The following SLC12A5 variants were observed in gnomAD, a reference collection of about 807,000 sequenced individuals.
The protein encoded by SLC12A5 is K-Cl cotransporter 2.
A neutral mutation model predicts 124.0 loss-of-function variants in SLC12A5; 18 were observed. The observed-to-expected ratio is 0.15, with a 90% CI of 0.10 to 0.22. The LOEUF (loss-of-function observed/expected upper bound fraction) is 0.22. SLC12A5 is among the 10% of genes least tolerant of loss of function. The pLI is 1.00. For synonymous variants in SLC12A5, 589 were observed against 568.0 expected (o/e 1.04, Z -0.53); for missense variants, 867 against 1,478.7 (o/e 0.59, Z 6.78).
At chr20:46,029,206 C>G (rs567400821), upstream of SLC12A5, 9 of 1,433,034 alleles carry the variant, frequency 6.3e-6, no homozygotes, top group Non-Finnish European at 8.2e-6. Context: ...GTGCGCCGGG[C>G]GGGCGGGCAC....
chr20:46,046,615 C>G (rs2145495669), intron 14 of SLC12A5, among the ~76,000 whole-genome samples, 179 bp downstream of exon 14: 1 of 152,330 alleles, frequency 6.6e-6, no homozygotes, highest in South Asian at 2.1e-4. Flanking sequence ...GGTCTCCTAA[C>G]AATCATAAAT....
At chr20:46,048,170 G>A (rs2084614956) in intron 16 of SLC12A5, 85 bp downstream of exon 16, 1 of 1,226,552 alleles carries the variant, frequency 8.2e-7, no homozygotes, top group South Asian at 1.5e-5. Context: ...AGCAGGGCCT[G>A]ACTTATCCTG....
chr20:46,050,389 T>G (rs547837034), intron 17 of SLC12A5, among the ~76,000 whole-genome samples: 13 of 152,248 alleles, frequency 8.5e-5, no homozygotes, highest in Non-Finnish European at 1.3e-4. Context: ...AGAACCAATG[T>G]GGGCTGTGGT....
intron 6 of SLC12A5, among the ~76,000 whole-genome samples, chr20:46,039,780 A>C (rs1443571153): frequency 1.3e-5 from 2 of 151,940 alleles, no homozygotes; most frequent in African/African-American, 4.8e-5. Context: ...TATTTCAAAA[A>C]AAAAACAAAA....
At chr20:46,052,012 G>C in intron 18 of SLC12A5, 142 bp downstream of exon 18, 1 of 734,794 alleles carries the variant, frequency 1.4e-6, no homozygotes, top group Non-Finnish European at 2.1e-6. Flanking sequence ...GCAGGTGACA[G>C]CAGTCAAGGC....
rs2084718330 is a variant in SLC12A5 at position 46,058,518 on chromosome 20, G to A, written c.*913G>A. On this transcript the variant is annotated 3_prime_UTR_variant, in exon 26 of 26. Transcript: ENST00000243964. The surrounding 1 kb of genome is among the most constrained non-coding windows in gnomAD (Gnocchi z 5.8). ...CCTCTTCTCATCGGCTCTTATGCAAGTTGGGGCCAGGATAGGGGAGGGGTG... is the reference window on the plus strand; with the variant it reads ...CCTCTTCTCATCGGCTCTTATGCAAATTGGGGCCAGGATAGGGGAGGGGTG... 2 of 399,016 alleles carry A rather than the reference G, an allele frequency of 5.0e-6. No individual in the cohort carries two copies. The highest frequency in any genetic ancestry group is 2.1e-5 in the African/African-American group (1 of 48,632). The allele number at this position is 399,016 out of a possible 1,614,324, so 24.7% of individuals were successfully genotyped here.
At chr20:46,044,850 T>A (rs1264180547) in intron 11 of SLC12A5, 116 bp from the exon 12 acceptor site, 6 of 1,151,974 alleles carry the variant, frequency 5.2e-6, no homozygotes, top group South Asian at 1.4e-5. Flanking sequence ...CCTGTCACCC[T>A]TACAGAACTT....
At chr20:46,024,375 C>T (rs1167404394), upstream of SLC12A5, among the ~76,000 whole-genome samples, 1 of 152,150 alleles carries the variant, frequency 6.6e-6, no homozygotes, top group Non-Finnish European at 1.5e-5. Context: ...GACTTTTAAC[C>T]TTTTAAGCCT....
At chr20:46,041,129 T>G in intron 7 of SLC12A5, 200 bp from the exon 8 acceptor site, 1 of 543,294 alleles carries the variant, frequency 1.8e-6, no homozygotes, top group Non-Finnish European at 3.3e-6. Flanking sequence ...CTTCTCCACC[T>G]TGGCTGCTTA....
At chr20:46,026,149 G>A (rs1448937875), upstream of SLC12A5, among the ~76,000 whole-genome samples, 1 of 152,202 alleles carries the variant, frequency 6.6e-6, no homozygotes, top group Non-Finnish European at 1.5e-5. Context: ...GTGGAGAGTG[G>A]AAAATAATTT....
chr20:46,052,876 G>A, intron 18 of SLC12A5, 81 bp from the exon 19 acceptor site: 1 of 1,454,570 alleles, frequency 6.9e-7, no homozygotes, highest in Non-Finnish European at 9.2e-7. Flanking sequence ...TGGCTGCCAG[G>A]AGCCCTTGTG....
Position 46,042,622 on chromosome 20 carries a change from A to G in SLC12A5, c.1067-531A>G, listed in dbSNP as rs898094694. ...ATAGGACAGTCCTCCACAGCAAAGA[A>G]TTATCTGGCCGGGAGTGTCACTAGT... On this transcript the variant is annotated intron_variant, in intron 8 of 25. Transcript: ENST00000243964. Among the ~76,000 whole-genome samples the G allele has an allele frequency of 2.6e-5, 4 of 152,144 alleles. No homozygotes were observed. In the South Asian group the frequency reaches 8.3e-4, roughly 32 times the overall value.
chr20:46,032,573 C>A (rs2084463319), intron 1 of SLC12A5, among the ~76,000 whole-genome samples: 1 of 152,196 alleles, frequency 6.6e-6, no homozygotes, highest in Non-Finnish European at 1.5e-5. Flanking sequence ...TAATTTAATC[C>A]TAGCAACAGC....
At chr20:46,022,237 A>G (rs997315871) in intron 1 of SLC12A5, among the ~76,000 whole-genome samples, 3 of 150,706 alleles carry the variant, frequency 2.0e-5, no homozygotes, top group African/African-American at 7.3e-5. Flanking sequence ...GGACATCTCG[A>G]GTAGGGAGCG....
intron 4 of SLC12A5, 199 bp from the exon 5 acceptor site, chr20:46,036,542 C>A: frequency 2.0e-6 from 1 of 497,306 alleles, no homozygotes; most frequent in South Asian, 2.3e-5. Context: ...GCTTGGGCTC[C>A]TTCCGTTCGC....
At chr20:46,035,224 C>T in intron 2 of SLC12A5, 180 bp from the exon 3 acceptor site, 1 of 985,338 alleles carries the variant, frequency 1.0e-6, no homozygotes, top group Non-Finnish European at 1.6e-6. Flanking sequence ...CTGCTCCCTG[C>T]CCTCTCCTCA....
At chr20:46,035,952 C>G (rs2084494793) in intron 4 of SLC12A5, 29 bp downstream of exon 4, 9 of 1,589,898 alleles carry the variant, frequency 5.7e-6, no homozygotes, top group African/African-American at 2.7e-5. Flanking sequence ...CTCACCACCC[C>G]CTGACAGCTG....
chr20:46,040,316 A>G (rs58572087), intron 6 of SLC12A5, 57 bp from the exon 7 acceptor site: 14 of 1,599,838 alleles, frequency 8.8e-6, no homozygotes, highest in Non-Finnish European at 1.0e-5. Context: ...AAAGCGCTGC[A>G]TGTAGTGCAA....
chr20:46,050,254 G>A (rs1031895486), intron 17 of SLC12A5, among the ~76,000 whole-genome samples: 9 of 152,174 alleles, frequency 5.9e-5, no homozygotes, highest in Admixed American at 3.3e-4. Flanking sequence ...GCTGAAAGTC[G>A]GAAAGCTGCT....
Sources: allele counts gnomAD v4.1 joint callset (sites outside exome capture counted in the v4.1 genomes callset), GRCh38; gene constraint gnomAD v4.1.1; non-coding constraint Gnocchi (gnomAD v3.1); transcripts MANE v1.5; gene names NCBI Gene and HGNC (gene_info 2026-07-23, HGNC 2026-07-21).